The following EXOC6B variants were observed in gnomAD, a reference collection of about 807,000 sequenced individuals.
EXOC6B encodes SEC15 homolog B.
EXOC6B carries 54 observed loss-of-function variants against 113.5 expected under a neutral mutation model. The ratio of observed to expected loss-of-function variants is 0.48; its 90% CI spans 0.38 to 0.60. The LOEUF is 0.60. EXOC6B is among the 20% of genes least tolerant of loss of function. The probability of loss-of-function intolerance (pLI) is 0.00; values close to 1 mark genes in which losing one functional copy is unlikely to be tolerated. For missense variants in EXOC6B, 797 were observed against 977.5 expected (o/e 0.82, Z 2.46); for synonymous variants, 357 against 339.0 (o/e 1.05, Z -0.58).
intron 19 of EXOC6B, among the ~76,000 whole-genome samples, chr2:72,375,769 A>G (rs1287311286): frequency 6.6e-6 from 1 of 152,220 alleles, no homozygotes; most frequent in African/African-American, 2.4e-5. Context: ...AAGAAGAGCA[A>G]ATAAACAAAA....
chr2:72,341,980 A>G (rs540751116), intron 19 of EXOC6B, among the ~76,000 whole-genome samples: 1 of 152,238 alleles, frequency 6.6e-6, no homozygotes, highest in East Asian at 1.9e-4. Flanking sequence ...TAAACAATAC[A>G]CTTCTAAATA....
intron 1 of EXOC6B, among the ~76,000 whole-genome samples, chr2:72,742,983 T>C (rs1681425220): frequency 6.6e-6 from 1 of 152,096 alleles, no homozygotes; most frequent in Non-Finnish European, 1.5e-5. Flanking sequence ...CCCATACCTG[T>C]TCCTCCTCAA....
At chr2:72,473,778 C>A (rs533786390) in intron 17 of EXOC6B, among the ~76,000 whole-genome samples, 1 of 151,846 alleles carries the variant, frequency 6.6e-6, no homozygotes. Context: ...TTTGTTACTG[C>A]GGTTTGGTGG....
chr2:72,823,262 T>G (rs1686679780), intron 1 of EXOC6B, among the ~76,000 whole-genome samples: 1 of 151,424 alleles, frequency 6.6e-6, no homozygotes, highest in Non-Finnish European at 1.5e-5. Flanking sequence ...CTTTCTTTTT[T>G]TTACAGTGTC....
chr2:72,289,133 A>C (rs1685628719), intron 20 of EXOC6B: 2 of 251,470 alleles, frequency 8.0e-6, no homozygotes, highest in Non-Finnish European at 1.6e-5. Context: ...ATACATATTT[A>C]CAAATAAAAT....
intron 20 of EXOC6B, among the ~76,000 whole-genome samples, chr2:72,199,358 T>A (rs1454940483): frequency 1.3e-5 from 2 of 152,132 alleles, no homozygotes; most frequent in Non-Finnish European, 2.9e-5. Context: ...CTTGGCCAAG[T>A]CTAAGAAGCA....
In EXOC6B at chr2:72,674,778, G is replaced by A. The variant is rs181799145; in HGVS notation, c.669+43325C>T. ...GGCACCACTGCACTCCAGCCTGGGCGACAGTGTGAGACTCCATCTCAAAAA... is the reference window on the plus strand; with the variant it reads ...GGCACCACTGCACTCCAGCCTGGGCAACAGTGTGAGACTCCATCTCAAAAA... On this transcript the variant is annotated intron_variant, in intron 6 of 21. Coordinates refer to ENST00000272427, the MANE Select transcript of EXOC6B (RefSeq NM_015189.3). Among the ~76,000 whole-genome samples the A allele has an allele frequency of 5.1e-3, 775 of 151,788 alleles. 4 individuals are homozygous for A. The highest frequency in any genetic ancestry group is 9.1e-3 in the Admixed American group (138 of 15,246).
At chr2:72,786,650 C>T (rs926936736) in intron 1 of EXOC6B, among the ~76,000 whole-genome samples, 4 of 152,098 alleles carry the variant, frequency 2.6e-5, no homozygotes, top group African/African-American at 7.2e-5. Context: ...CAAAAAAGAA[C>T]CAGCAAAGAT....
In EXOC6B at chr2:72,179,285, A is replaced by G; in HGVS notation, c.*50T>C. 1 of 1,519,604 alleles carries G rather than the reference A, an allele frequency of 6.6e-7. No homozygotes were observed. The highest frequency in any genetic ancestry group is 8.8e-7 in the Non-Finnish European group (1 of 1,134,114). The allele number at this position is 1,519,604 out of a possible 1,614,324, so 94.1% of individuals were successfully genotyped here. On this transcript the variant is annotated 3_prime_UTR_variant, in exon 22 of 22. Coordinates refer to ENST00000272427, the MANE Select transcript of EXOC6B (RefSeq NM_015189.3). ...AGGGTCAGCTGGGGCTGGACCCCAG[A>G]CTGACACAGAGGCTGCAGCAGGTCG...
At chr2:72,790,893 T>A (rs1355525978) in intron 1 of EXOC6B, among the ~76,000 whole-genome samples, 5 of 151,942 alleles carry the variant, frequency 3.3e-5, no homozygotes, top group Non-Finnish European at 5.9e-5. Flanking sequence ...CTAAAAAAAA[T>A]TGAACTCAGA....
intron 1 of EXOC6B, among the ~76,000 whole-genome samples, chr2:72,809,558 T>G (rs1466391622): frequency 6.8e-6 from 1 of 146,726 alleles, no homozygotes; most frequent in Non-Finnish European, 1.5e-5. Context: ...AGGAAGGAAA[T>G]AATAAAATAA....
rs368207726 is a variant in EXOC6B at position 72,513,118 on chromosome 2, G to A, written c.1167+14C>T. 30 of 1,611,912 alleles carry A rather than the reference G, an allele frequency of 1.9e-5. No individual in the cohort carries two copies. The highest frequency in any genetic ancestry group is 2.5e-5 in the Non-Finnish European group (29 of 1,178,902). ...CAGCTCTAAATAACAACTTCCCTTG[G>A]GCTTCTTACATACCGAGTGGGTACG... On this transcript the variant is annotated intron_variant, in intron 11 of 21. Transcript: ENST00000272427.
At chr2:72,811,314 T>C (rs531786861) in intron 1 of EXOC6B, among the ~76,000 whole-genome samples, 1 of 151,984 alleles carries the variant, frequency 6.6e-6, no homozygotes, top group East Asian at 1.9e-4. Context: ...AAGACTCTGC[T>C]TAAAAGAAAA....
intron 6 of EXOC6B, among the ~76,000 whole-genome samples, chr2:72,640,101 T>C (rs1573535527): frequency 6.6e-6 from 1 of 151,964 alleles, no homozygotes; most frequent in South Asian, 2.1e-4. Flanking sequence ...AAATTCAATC[T>C]AAGGAAGCTA....
intron 6 of EXOC6B, among the ~76,000 whole-genome samples, chr2:72,699,818 G>C (rs1259747419): frequency 6.6e-6 from 1 of 152,154 alleles, no homozygotes; most frequent in African/African-American, 2.4e-5. Flanking sequence ...AGTAGGCTAA[G>C]ACCACCATGG....
At chr2:72,716,498 A>G (rs1679627974) in intron 6 of EXOC6B, among the ~76,000 whole-genome samples, 1 of 152,186 alleles carries the variant, frequency 6.6e-6, no homozygotes, top group Non-Finnish European at 1.5e-5. Context: ...CTGAGATGAA[A>G]TATTTTATAG....
intron 18 of EXOC6B, among the ~76,000 whole-genome samples, chr2:72,407,383 G>A (rs1468012957): frequency 1.3e-5 from 2 of 152,168 alleles, no homozygotes; most frequent in Non-Finnish European, 2.9e-5. Flanking sequence ...GCATCATCCC[G>A]ATACTAAAGC....
At chr2:72,758,187 A>T (rs1682550176) in intron 1 of EXOC6B, among the ~76,000 whole-genome samples, 1 of 132,104 alleles carries the variant, frequency 7.6e-6, no homozygotes, top group South Asian at 2.5e-4. Flanking sequence ...AAAAAAAAAA[A>T]GTACATATAT....
intron 6 of EXOC6B, among the ~76,000 whole-genome samples, chr2:72,579,721 T>C (rs894363939): frequency 1.3e-4 from 20 of 152,050 alleles, no homozygotes; most frequent in African/African-American, 4.6e-4. Flanking sequence ...GAGTTAAAAA[T>C]AATAAGAATC....
Sources: allele counts gnomAD v4.1 joint callset (sites outside exome capture counted in the v4.1 genomes callset), GRCh38; gene constraint gnomAD v4.1.1; transcripts MANE v1.5; gene names NCBI Gene and HGNC (gene_info 2026-07-23, HGNC 2026-07-21).